The following ZSCAN31 variants were observed in gnomAD, a reference collection of about 807,000 sequenced individuals.
ZSCAN31 encodes zinc finger and SCAN domain-containing protein 31.
Under a neutral mutation model 22.5 loss-of-function variants are expected in ZSCAN31, and 14 were observed. The ratio of observed to expected loss-of-function variants is 0.62; its 90% CI spans 0.41 to 0.97. ZSCAN31 has a LOEUF of 0.97. ZSCAN31 is among the 50% of genes least tolerant of loss of function. The pLI is 0.00. For synonymous variants in ZSCAN31, 168 were observed against 169.8 expected (o/e 0.99, Z 0.08); for missense variants, 424 against 483.4 (o/e 0.88, Z 1.15).
chr6:28,353,896 C>G, exon 2 of ZSCAN31: 1 of 456,306 alleles, frequency 2.2e-6, no homozygotes, highest in South Asian at 1.5e-5. Context: ...CCAGCCCATA[C>G]TGAGGTCCGA....
chr6:28,340,010 T>C (rs573770225), upstream of ZSCAN31, among the ~76,000 whole-genome samples: 1 of 151,542 alleles, frequency 6.6e-6, no homozygotes, highest in African/African-American at 2.4e-5. Flanking sequence ...TAGGTATCAT[T>C]CCAGGCCAGG....
Position 28,329,480 on chromosome 6 carries a change from T to C in ZSCAN31, c.204A>G (p.Leu68=), listed in dbSNP as rs747514507. ...GCTCTTTGGTGTGGATTTCTGGCCT[T>C]AGCCACTGATGACAGAGTTCTCGGA... ...SRLRELCHQW[L]RPEIHTKEQI... The change falls in exon 2 of 4, where the codon CTA becomes CTG. Residue 68 remains leucine, a synonymous_variant. Coordinates refer to ENST00000344279, the MANE Select transcript of ZSCAN31 (RefSeq NM_030899.5). The C allele has an allele frequency of 1.2e-6, 2 of 1,614,112 alleles. No individual in the cohort carries two copies. Among genetic ancestry groups the C allele is most frequent in the South Asian group, 2.2e-5 (2 of 91,074 alleles).
In ZSCAN31 at chr6:28,331,302, T is replaced by C. The variant is rs1561911862; in HGVS notation, c.-95-1524A>G. ...TACAATGTTGACTTTAGTGGTGTAA[T>C]TTAAGTTTTATATGATTTTTGCCCA... On this transcript the variant is annotated intron_variant, in intron 1 of 3. Coordinates refer to ENST00000344279, the MANE Select transcript of ZSCAN31 (RefSeq NM_030899.5). The surrounding 1 kb of genome is among the most constrained non-coding windows in gnomAD (Gnocchi z 4.8). 6.6e-6 allele frequency among the ~76,000 whole-genome samples: 1 copy of C among 152,204 alleles called. No homozygotes were observed. The highest frequency in any genetic ancestry group is 1.5e-5 in the Non-Finnish European group (1 of 68,026).
chr6:28,337,801 C>T (rs1764251601), upstream of ZSCAN31: 1 of 152,178 alleles, frequency 6.6e-6, no homozygotes. Flanking sequence ...TAGCTCACGC[C>T]TGTAATCCCA....
chr6:28,341,087 C>T (rs1408897986), upstream of ZSCAN31, among the ~76,000 whole-genome samples: 2 of 152,172 alleles, frequency 1.3e-5, no homozygotes, highest in Non-Finnish European at 2.9e-5. Flanking sequence ...AGTATTAGCC[C>T]TGTTCCCCTG....
At chr6:28,339,169 T>C (rs527828720), upstream of ZSCAN31, among the ~76,000 whole-genome samples, 4 of 152,388 alleles carry the variant, frequency 2.6e-5, no homozygotes, top group African/African-American at 9.6e-5. Context: ...TAGCTTTTTT[T>C]CTTAATGAGT....
upstream of ZSCAN31, among the ~76,000 whole-genome samples, chr6:28,339,250 T>C (rs533545146): frequency 6.6e-6 from 1 of 152,342 alleles, no homozygotes; most frequent in South Asian, 2.1e-4. Context: ...ATAATTTCCA[T>C]TGATTTTATT....
chr6:28,329,594 G>C lies in ZSCAN31; in HGVS notation c.90C>G (p.Asn30Lys). 6.2e-7 allele frequency: 1 copy of C among 1,614,218 alleles called. No individual in the cohort carries two copies. Among genetic ancestry groups the C allele is most frequent in the Non-Finnish European group, 8.5e-7 (1 of 1,180,034 alleles). The change falls in exon 2 of 4, where the codon AAC (asparagine) becomes AAG (lysine). Residue 30 changes from asparagine (N) to lysine (K), a missense_variant. Asn to Lys is a moderately conservative substitution (Grantham distance 94). Coordinates refer to ENST00000344279, the MANE Select transcript of ZSCAN31 (RefSeq NM_030899.5). ...GGGAGGCTTCTTGGCCAGAAAAGTT[G>C]TTCCCTCGAAGGTGGGTTTCTTGGT... ...IWDQETHLRGNNFSGQEASRQ... is the reference protein window; with the variant it reads ...IWDQETHLRGKNFSGQEASRQ...
At chr6:28,326,898 T>C (rs1763325178) in intron 3 of ZSCAN31, 44 bp from the exon 4 acceptor site, 2 of 1,451,782 alleles carry the variant, frequency 1.4e-6, no homozygotes, top group Middle Eastern at 1.8e-4. Flanking sequence ...CTTTCCTTTA[T>C]GAAAGAATAC....
upstream of ZSCAN31, among the ~76,000 whole-genome samples, chr6:28,340,923 T>C (rs1764386522): frequency 6.6e-6 from 1 of 152,226 alleles, no homozygotes; most frequent in Non-Finnish European, 1.5e-5. Context: ...TTTGGTTGGT[T>C]GGCTTGCAGT....
exon 3 of ZSCAN31, chr6:28,341,758 G>A (rs1764422823): frequency 6.6e-6 from 1 of 152,238 alleles, no homozygotes; most frequent in Non-Finnish European, 1.5e-5. Flanking sequence ...CATTTGGAGA[G>A]CTGATGGAAC....
chr6:28,339,404 C>T (rs977540453), upstream of ZSCAN31, among the ~76,000 whole-genome samples: 2 of 152,142 alleles, frequency 1.3e-5, no homozygotes, highest in Admixed American at 6.5e-5. Context: ...TCAAGCGATT[C>T]TCATACCTCG....
rs1031075375 is a variant in ZSCAN31 at position 28,325,938 on chromosome 6, C to A, written c.*228G>T. 1 of 401,844 alleles carries A rather than the reference C, an allele frequency of 2.5e-6. No homozygotes were observed. Among genetic ancestry groups the A allele is most frequent in the African/African-American group, 2.0e-5 (1 of 50,490 alleles). The allele number at this position is 401,844 out of a possible 1,614,324, so 24.9% of individuals were successfully genotyped here. A position where few individuals can be genotyped will look rare whatever the true frequency, so the allele number is the denominator to read the frequency against. Reference sequence around the variant, plus strand: ...AGCAACCCCCTACAATCACAGTCATCCACACAGGAGACACCAACACCTGGT... The same window carrying A: ...AGCAACCCCCTACAATCACAGTCATACACACAGGAGACACCAACACCTGGT... On this transcript the variant is annotated 3_prime_UTR_variant, in exon 4 of 4. Coordinates refer to ENST00000344279, the MANE Select transcript of ZSCAN31 (RefSeq NM_030899.5).
chr6:28,346,513 A>G (rs186127976), intron 2 of ZSCAN31, among the ~76,000 whole-genome samples: 12 of 151,850 alleles, frequency 7.9e-5, no homozygotes, highest in African/African-American at 2.2e-4. Flanking sequence ...ACCCACTACC[A>G]CACCTGCTAA....
Position 28,326,293 on chromosome 6 carries a change from C to T in ZSCAN31, c.1094G>A (p.Gly365Glu), listed in dbSNP as rs2394051. ...GTGGACTCGGAGATGCTGGAAAAGCCCTGCATTCTGAATGAAGGCTTTGCC... is the reference window on the plus strand; with the variant it reads ...GTGGACTCGGAGATGCTGGAAAAGCTCTGCATTCTGAATGAAGGCTTTGCC... ...ECGKAFIQNA[G>E]LFQHLRVHTG... Residue 365 changes from glycine (G) to glutamate (E), a missense_variant, in exon 4 of 4, where the codon GGG becomes GAG. Physicochemically the swap from Gly to Glu is moderately conservative, Grantham distance 98 (BLOSUM62 -2). Transcript: ENST00000344279. The T allele has an allele frequency of 6.2e-7, 1 of 1,613,268 alleles. No homozygotes were observed. The highest frequency in any genetic ancestry group is 1.7e-5 in the Admixed American group (1 of 59,950).
rs768979145 is a variant in ZSCAN31 at position 28,329,650 on chromosome 6, T to G, written c.34A>C (p.Ile12Leu). 6.2e-7 allele frequency: 1 copy of G among 1,614,020 alleles called. No homozygotes were observed. Among genetic ancestry groups the G allele is most frequent in the East Asian group, 2.2e-5 (1 of 44,878 alleles). ...ASTEEQYDLK[I>L]VKVEEDPIWD... ...ATAGGGTCTTCCTCCACTTTCACAA[T>G]CTTAAGATCGTACTGTTCCTCTGTT... Residue 12 changes from isoleucine (I) to leucine (L), a missense_variant, in exon 2 of 4, where the codon ATT becomes CTT. Ile to Leu is a conservative substitution (Grantham distance 5, BLOSUM62 2). Transcript: ENST00000344279.
intron 2 of ZSCAN31, among the ~76,000 whole-genome samples, chr6:28,342,022 A>G (rs987119581): frequency 1.3e-5 from 2 of 152,210 alleles, no homozygotes; most frequent in Non-Finnish European, 1.5e-5. Context: ...TGAGGACCAC[A>G]GATGCATTGG....
In ZSCAN31 at chr6:28,349,330, T is replaced by A. The variant is rs80055263; in HGVS notation, c.-371+4532A>T. Among the ~76,000 whole-genome samples the A allele has an allele frequency of 8.0e-3, 1,213 of 152,210 alleles. 21 individuals carry two copies. The highest frequency in any genetic ancestry group is 0.026 in the African/African-American group (1,092 of 41,534). On this transcript the variant is annotated intron_variant, in intron 2 of 7. Coordinates refer to the ZSCAN31 transcript ENST00000396838. The surrounding 1 kb of genome is among the most constrained non-coding windows in gnomAD (Gnocchi z 4.1). ...CATTCAGGTATCTTTTGTAAGTATTTGCTTCTGTGATAGATGTCTTTTAAA... is the reference window on the plus strand; with the variant it reads ...CATTCAGGTATCTTTTGTAAGTATTAGCTTCTGTGATAGATGTCTTTTAAA...
In ZSCAN31 at chr6:28,329,571, G is replaced by A. The variant is rs754452358; in HGVS notation, c.113C>T (p.Ser38Phe). The A allele has an allele frequency of 3.7e-6, 6 of 1,614,084 alleles. No homozygotes were observed. The highest frequency in any genetic ancestry group is 2.2e-5 in the East Asian group (1 of 44,888). ...RGNNFSGQEA[S>F]RQLFRQFCYQ... ...ACAAAACTGCCTAAAAAGTTGTCGG[G>A]AGGCTTCTTGGCCAGAAAAGTTGTT... Residue 38 changes from serine (S) to phenylalanine (F), a missense_variant, in exon 2 of 4, where the codon TCC (serine) becomes TTC (phenylalanine). Ser to Phe is a radical substitution (Grantham distance 155, BLOSUM62 -2). Coordinates refer to ENST00000344279, the MANE Select transcript of ZSCAN31 (RefSeq NM_030899.5).
Sources: allele counts gnomAD v4.1 joint callset (sites outside exome capture counted in the v4.1 genomes callset), GRCh38; gene constraint gnomAD v4.1.1; non-coding constraint Gnocchi (gnomAD v3.1); transcripts MANE v1.5; gene names NCBI Gene and HGNC (gene_info 2026-07-23, HGNC 2026-07-21).